Variants in ELF2 observed in about 807,000 individuals in gnomAD.
ELF2 encodes the protein ETS-related transcription factor Elf-2.
In ELF2, 11 loss-of-function variants were observed where a neutral mutation model predicts 54.8. The observed-to-expected ratio is 0.20, with a 90% CI of 0.13 to 0.33. The LOEUF (loss-of-function observed/expected upper bound fraction) is 0.33. Ranked by LOEUF, ELF2 falls within the 10% of genes least tolerant of loss-of-function variation. The pLI, the probability that ELF2 is intolerant of heterozygous loss-of-function variation, is 1.00. For synonymous variants in ELF2, 203 were observed against 245.1 expected (o/e 0.83, Z 1.61); for missense variants, 513 against 703.0 (o/e 0.73, Z 3.06).
chr4:139,072,228 G>A, intron 5 of ELF2, 189 bp from the exon 6 acceptor site: 3 of 552,058 alleles, frequency 5.4e-6, no homozygotes, highest in Non-Finnish European at 9.0e-6. Context: ...TAAATGCATG[G>A]AAAATCAACT....
intron 4 of ELF2, among the ~76,000 whole-genome samples, chr4:139,099,182 T>C (rs749567758): frequency 2.6e-5 from 4 of 152,250 alleles, no homozygotes; most frequent in South Asian, 2.1e-4. Context: ...TTTACCTGTC[T>C]AGCCTTATCT....
At chr4:139,169,818 C>A (rs1227453553) in intron 1 of ELF2, among the ~76,000 whole-genome samples, 1 of 148,178 alleles carries the variant, frequency 6.7e-6, no homozygotes, top group African/African-American at 2.5e-5. Context: ...GATCTCGCCA[C>A]TGCACTCCAG....
chr4:139,060,955 G>A (rs1240666245), intron 8 of ELF2, among the ~76,000 whole-genome samples: 2 of 152,054 alleles, frequency 1.3e-5, no homozygotes, highest in East Asian at 1.9e-4. Flanking sequence ...TTACCTTACC[G>A]TTGACTATTT....
At chr4:139,141,824 A>C (rs577860478) in intron 1 of ELF2, among the ~76,000 whole-genome samples, 48 of 152,224 alleles carry the variant, frequency 3.2e-4, no homozygotes, top group Middle Eastern at 3.4e-3. Context: ...CACTCTTTCT[A>C]AGCTATGAAA....
At chr4:139,060,737 G>C in intron 8 of ELF2, 63 bp from the exon 9 acceptor site, 1 of 1,375,718 alleles carries the variant, frequency 7.3e-7, no homozygotes, top group Admixed American at 2.2e-5. Flanking sequence ...CTCCACCCCC[G>C]CCAAAAAGAC....
intron 6 of ELF2, 85 bp downstream of exon 6, chr4:139,071,781 T>G: frequency 8.0e-7 from 1 of 1,244,142 alleles, no homozygotes; most frequent in Non-Finnish European, 1.1e-6. Flanking sequence ...CTACAGCATA[T>G]ACTACTTTCT....
In ELF2 at chr4:139,141,715, A is replaced by T. The variant is rs1213723298; in HGVS notation, c.-251-2218T>A. 2.0e-5 allele frequency among the ~76,000 whole-genome samples: 3 copies of T among 152,178 alleles called. No individual in the cohort carries two copies. In the East Asian group the frequency reaches 5.8e-4, roughly 29 times the overall value. ...TTTAAAGCACAGGTCTTTTGTTGCC[A>T]GTTGGTGAAGTCTTAGGACAGTGCT... On this transcript the variant is annotated intron_variant, in intron 1 of 9. Transcript: ENST00000686138.
At chr4:139,172,032 T>C (rs942564835) in intron 1 of ELF2, among the ~76,000 whole-genome samples, 4 of 152,224 alleles carry the variant, frequency 2.6e-5, no homozygotes, top group African/African-American at 9.6e-5. Flanking sequence ...GTTAGCAATA[T>C]AAGACGTTAT....
At chr4:139,147,112 G>A (rs1002286593) in intron 1 of ELF2, among the ~76,000 whole-genome samples, 1 of 152,096 alleles carries the variant, frequency 6.6e-6, no homozygotes, top group Admixed American at 6.5e-5. Context: ...CCCACAGAAT[G>A]GGAGAAAATA....
At chr4:139,116,739 A>C (rs1299596720) in intron 4 of ELF2, 2 of 985,156 alleles carry the variant, frequency 2.0e-6, no homozygotes, top group African/African-American at 3.5e-5. Flanking sequence ...TTTCATGTCG[A>C]TCTTCTACCT....
intron 4 of ELF2, chr4:139,084,545 A>G: frequency 1.9e-6 from 1 of 532,388 alleles, no homozygotes. Flanking sequence ...CTTGCTCCAG[A>G]GAGCGGCCGC....
chr4:139,167,720 T>G (rs1198392744), intron 1 of ELF2, among the ~76,000 whole-genome samples: 1 of 152,194 alleles, frequency 6.6e-6, no homozygotes, highest in Non-Finnish European at 1.5e-5. Context: ...CCCTATAAGC[T>G]GAAACTCGAT....
At chr4:139,111,441 T>C (rs1203955724) in intron 4 of ELF2, among the ~76,000 whole-genome samples, 1 of 151,540 alleles carries the variant, frequency 6.6e-6, no homozygotes, top group Non-Finnish European at 1.5e-5. Flanking sequence ...CTTGAACTCC[T>C]GGGACTGCAA....
intron 4 of ELF2, among the ~76,000 whole-genome samples, chr4:139,098,859 C>T (rs1460425861): frequency 6.6e-6 from 1 of 152,310 alleles, no homozygotes; most frequent in Admixed American, 6.5e-5. Context: ...ATAAATAACA[C>T]AGGTTCTTGT....
chr4:139,073,617 C>A (rs780645107), intron 4 of ELF2, 50 bp from the exon 5 acceptor site: 19 of 1,035,982 alleles, frequency 1.8e-5, no homozygotes, highest in South Asian at 2.2e-5. Context: ...AAACACATGA[C>A]TAAAACATAT....
intron 4 of ELF2, among the ~76,000 whole-genome samples, chr4:139,110,448 G>GA: frequency 6.6e-6 from 1 of 152,258 alleles, no homozygotes; most frequent in East Asian, 1.9e-4. Flanking sequence ...TTTGTTTCAT[G>GA]AAACACCTTT....
At chr4:139,174,577 T>C (rs1206637424) in intron 1 of ELF2, among the ~76,000 whole-genome samples, 1 of 150,046 alleles carries the variant, frequency 6.7e-6, no homozygotes, top group Non-Finnish European at 1.5e-5. Context: ...ATGGATTCAA[T>C]CAATGAGGTA....
intron 7 of ELF2, among the ~76,000 whole-genome samples, chr4:139,063,897 C>CT (rs1728254392): frequency 6.6e-6 from 1 of 152,042 alleles, no homozygotes; most frequent in Admixed American, 6.6e-5. Flanking sequence ...AAGTATCACA[C>CT]TTTTTTCTCC....
chr4:139,060,778 C>T (rs1727721016), intron 8 of ELF2, 104 bp from the exon 9 acceptor site: 1 of 924,236 alleles, frequency 1.1e-6, no homozygotes, highest in East Asian at 2.5e-5. Context: ...AGAAACATTC[C>T]CTTATCTCTA....
Sources: gnomAD v4.1 joint callset for allele counts (sites outside exome capture counted in the v4.1 genomes callset) on GRCh38, gnomAD v4.1.1 for gene constraint, MANE v1.5 for transcripts, NCBI Gene and HGNC (gene_info 2026-07-23, HGNC 2026-07-21) for gene names.